Variants in HDGFL3 observed in about 807,000 individuals in gnomAD.
HDGFL3 encodes the protein hepatoma-derived growth factor-related protein 3.
A neutral mutation model predicts 27.6 loss-of-function variants in HDGFL3; 6 were observed. The observed-to-expected ratio is 0.22, with a 90% CI of 0.12 to 0.43. HDGFL3 has a LOEUF of 0.43. Ranked by LOEUF, HDGFL3 falls within the 20% of genes least tolerant of loss-of-function variation. HDGFL3 has a pLI of 1.00. For missense variants in HDGFL3, 207 were observed against 250.1 expected, an observed-to-expected ratio of 0.83 and a Z score of 1.16; for synonymous variants, 88 against 88.9, an observed-to-expected ratio of 0.99 and a Z score of 0.05.
At chr15:83,164,755 A>C (rs2037148596) in intron 1 of HDGFL3, among the ~76,000 whole-genome samples, 1 of 152,222 alleles carries the variant, frequency 6.6e-6, no homozygotes, top group Admixed American at 6.5e-5. Flanking sequence ...GCTGAAGTTG[A>C]GAATCTCTAA....
intron 5 of HDGFL3, among the ~76,000 whole-genome samples, chr15:83,143,682 T>A (rs1348998641): frequency 6.6e-6 from 1 of 152,140 alleles, no homozygotes; most frequent in African/African-American, 2.4e-5. Context: ...TGGGGTCAGC[T>A]GTGAAAGGCA....
In HDGFL3 at chr15:83,207,495, GCCGCGCTCC is replaced by G; in HGVS notation, c.-90_-82del. Reference sequence around the variant, plus strand: ...GCCCCCCCGCGGGCCGACGAATTGCGCCGCGCTCCCCGCGGGCCTCAAGCCGGGCGGACG... The same window carrying G: ...GCCCCCCCGCGGGCCGACGAATTGCGCCGCGGGCCTCAAGCCGGGCGGACG... On this transcript the variant is annotated 5_prime_UTR_variant, in exon 1 of 6. Transcript: ENST00000299633. This position sits in a 1 kb window ranked among gnomAD's most constrained non-coding sequence, Gnocchi z 4.8. 9.2e-7 allele frequency: 1 copy of G among 1,085,400 alleles called. No homozygotes were observed. 67.2% of individuals were successfully genotyped at this position (1,085,400 alleles called of 1,614,324 possible). A position where few individuals can be genotyped will look rare whatever the true frequency, so the allele number is the denominator to read the frequency against.
chr15:83,139,665 A>G (rs2036728237), intron 5 of HDGFL3, among the ~76,000 whole-genome samples: 1 of 152,202 alleles, frequency 6.6e-6, no homozygotes, highest in Non-Finnish European at 1.5e-5. Flanking sequence ...AAGCTGTGTA[A>G]AATTTAAAAA....
At position 83,129,194 on chromosome 15, in the gene HDGFL3, T is replaced by TAC. The variant is rs1437187096; in HGVS notation, c.*10074_*10075dup. 6.6e-6 allele frequency: 1 copy of TAC among 152,200 alleles called. No homozygotes were observed. Among genetic ancestry groups the TAC allele is most frequent in the Non-Finnish European group, 1.5e-5 (1 of 68,060 alleles). 9.4% of individuals were successfully genotyped at this position (152,200 alleles called of 1,614,324 possible). On this transcript the variant is annotated 3_prime_UTR_variant, in exon 6 of 6. Transcript: ENST00000299633. The stretch of plus-strand genomic sequence containing the variant: ...TTTTTTTTTCCAGCTCCGCTGCCCC[T>TAC]ACACTAGTCTGAGCTCTCATTACCT...
chr15:83,164,181 CAGAT>C (rs2037134780), intron 1 of HDGFL3, 106 bp from the exon 2 acceptor site: 3 of 764,048 alleles, frequency 3.9e-6, no homozygotes, highest in Non-Finnish European at 6.2e-6. Context: ...AATCAAAACT[CAGAT>C]AGTTTTTTAG....
intron 1 of HDGFL3, among the ~76,000 whole-genome samples, chr15:83,183,129 A>T (rs949694241): frequency 3.9e-5 from 6 of 152,212 alleles, no homozygotes; most frequent in African/African-American, 1.4e-4. Flanking sequence ...ATAAATCAGG[A>T]GACTACTGTG....
intron 4 of HDGFL3, among the ~76,000 whole-genome samples, chr15:83,156,051 A>C (rs534585808): frequency 2.0e-5 from 3 of 152,308 alleles, no homozygotes; most frequent in African/African-American, 7.2e-5. Context: ...AATAAAATCC[A>C]AATTTCTCAT....
chr15:83,189,613 T>G (rs1011359586), intron 1 of HDGFL3: 3 of 152,174 alleles, frequency 2.0e-5, no homozygotes, highest in African/African-American at 7.2e-5. Flanking sequence ...AATTACATAT[T>G]ACTCTGCTTG....
chr15:83,166,009 AAAC>A (rs1019327920), intron 1 of HDGFL3, among the ~76,000 whole-genome samples: 2 of 152,120 alleles, frequency 1.3e-5, no homozygotes, highest in Non-Finnish European at 2.9e-5. Context: ...AAGAAAAAGG[AAAC>A]AACCAGGAAA....
intron 4 of HDGFL3, among the ~76,000 whole-genome samples, chr15:83,155,336 G>A (rs980399520): frequency 1.3e-5 from 2 of 152,164 alleles, no homozygotes; most frequent in Non-Finnish European, 2.9e-5. Flanking sequence ...TTTGTAACAA[G>A]CAATAAAATA....
intron 1 of HDGFL3, among the ~76,000 whole-genome samples, chr15:83,187,654 T>G (rs967471088): frequency 1.3e-5 from 2 of 152,078 alleles, no homozygotes; most frequent in African/African-American, 4.8e-5. Context: ...TTTGGGAGGC[T>G]GAGGCGGGCG....
rs113700704 is a variant in HDGFL3, at chr15:83,192,164, A to T, written c.84+15167T>A. ...ACCATGTTGGCCAGGCTGGTCTCGA[A>T]CTCCTGACCTCAGGTGATCCACCTG... On this transcript the variant is annotated intron_variant, in intron 1 of 5. Transcript: ENST00000299633. 1,882 of 360,038 alleles carry T rather than the reference A, an allele frequency of 5.2e-3. 41 individuals are homozygous for T. The highest frequency in any genetic ancestry group is 0.039 in the African/African-American group (1,741 of 44,936). The allele number at this position is 360,038 out of a possible 1,614,324, so 22.3% of individuals were successfully genotyped here. A position where few individuals can be genotyped will look rare whatever the true frequency, so the allele number is the denominator to read the frequency against.
intron 4 of HDGFL3, among the ~76,000 whole-genome samples, chr15:83,153,865 T>C (rs1203446037): frequency 2.0e-5 from 3 of 152,154 alleles, no homozygotes. Flanking sequence ...CTTTTCATTG[T>C]GATTACTGAG....
In HDGFL3 at chr15:83,158,045, C is replaced by T; in HGVS notation, c.162-4G>A. 1 of 1,594,474 alleles carries T rather than the reference C, an allele frequency of 6.3e-7. No individual in the cohort carries two copies. Among genetic ancestry groups the T allele is most frequent in the Non-Finnish European group, 8.5e-7 (1 of 1,172,932 alleles). On this transcript the variant is annotated splice_polypyrimidine_tract_variant and splice_region_variant and intron_variant, in intron 2 of 5. Transcript: ENST00000299633. Reference sequence around the variant, plus strand: ...GTCTTTGGGACCTAGAAATGCACTGCAGAGACATATTAGAAATAGAATTGA... The same window carrying T: ...GTCTTTGGGACCTAGAAATGCACTGTAGAGACATATTAGAAATAGAATTGA...
rs2036628499 is a variant in HDGFL3 at position 83,136,579 on chromosome 15, A to G, written c.*2691T>C. ...AAATCCTTTTTTTAGCATTAAACAT[A>G]GCATATGGAGTTCTTCCTCAGCTCT... On this transcript the variant is annotated 3_prime_UTR_variant, in exon 6 of 6. Coordinates refer to ENST00000299633, the MANE Select transcript of HDGFL3 (RefSeq NM_016073.4). The G allele has an allele frequency of 6.2e-7, 1 of 1,613,762 alleles. No homozygotes were observed. Among genetic ancestry groups the G allele is most frequent in the African/African-American group, 1.3e-5 (1 of 74,914 alleles).
At chr15:83,155,504 A>G (rs2037016835) in intron 4 of HDGFL3, among the ~76,000 whole-genome samples, 1 of 152,218 alleles carries the variant, frequency 6.6e-6, no homozygotes, top group South Asian at 2.1e-4. Context: ...GAAGTCCAAA[A>G]TGCTAAAAGA....
chr15:83,201,054 T>C (rs2037639322), intron 1 of HDGFL3, among the ~76,000 whole-genome samples: 1 of 151,996 alleles, frequency 6.6e-6, no homozygotes, highest in South Asian at 2.1e-4. Flanking sequence ...GTCAACCCAT[T>C]CCCCCTTTTA....
chr15:83,141,593 T>TC (rs1456408555), intron 5 of HDGFL3, among the ~76,000 whole-genome samples: 14 of 150,244 alleles, frequency 9.3e-5, no homozygotes, highest in Non-Finnish European at 5.9e-5. Context: ...ATTTAAAGAC[T>TC]TTTTTTTTAG....
chr15:83,139,265 G>T lies in HDGFL3; in HGVS notation c.*5C>A. 6.9e-7 allele frequency: 1 copy of T among 1,439,068 alleles called. No individual in the cohort carries two copies. The allele number at this position is 1,439,068 out of a possible 1,614,324, so 89.1% of individuals were successfully genotyped here. On this transcript the variant is annotated 3_prime_UTR_variant, in exon 6 of 6. Transcript: ENST00000299633. ...TCTCTTAATATGCAGCATTCATTAT[G>T]GTAGTTAGGTCTGTAAAAAAAAAAA...
Sources: gnomAD v4.1 joint callset for allele counts (sites outside exome capture counted in the v4.1 genomes callset) on GRCh38, gnomAD v4.1.1 for gene constraint, Gnocchi (gnomAD v3.1) non-coding constraint, MANE v1.5 for transcripts, NCBI Gene and HGNC (gene_info 2026-07-23, HGNC 2026-07-21) for gene names.